The following PIAS1 variants were observed in gnomAD, a reference collection of about 807,000 sequenced individuals.
The protein encoded by PIAS1 is E3 SUMO-protein ligase PIAS1.
PIAS1 carries 6 observed loss-of-function variants against 71.3 expected under a neutral mutation model. The ratio of observed to expected loss-of-function variants is 0.08; its 90% CI spans 0.05 to 0.17. The LOEUF (loss-of-function observed/expected upper bound fraction) is 0.17, where lower values mean the gene tolerates loss of function less well. PIAS1 is among the 10% of genes least tolerant of loss of function. The pLI, the probability that PIAS1 is intolerant of heterozygous loss-of-function variation, is 1.00. For missense variants in PIAS1, 555 were observed against 793.6 expected (o/e 0.70, Z 3.61); for synonymous variants, 303 against 292.9 (o/e 1.03, Z -0.35).
chr15:68,132,662 A>G (rs773421385), intron 2 of PIAS1, among the ~76,000 whole-genome samples: 1 of 152,178 alleles, frequency 6.6e-6, no homozygotes, highest in Non-Finnish European at 1.5e-5. Context: ...GGGAAGGTTT[A>G]TCTGCAAATC....
At chr15:68,145,152 G>T (rs982955669) in intron 4 of PIAS1, among the ~76,000 whole-genome samples, 1 of 152,120 alleles carries the variant, frequency 6.6e-6, no homozygotes, top group African/African-American at 2.4e-5. Context: ...TTTTCCAAAA[G>T]ACTGCATTTA....
At position 68,086,775 on chromosome 15, in the gene PIAS1, T is replaced by C; in HGVS notation, c.469+25T>C. ...GGTAAGATTATTGTATGATAGTATT[T>C]GGTTACTTTTGCAGGATGAATTTTC... On this transcript the variant is annotated intron_variant, in intron 2 of 13. Transcript: ENST00000249636. The surrounding 1 kb of genome is among the most constrained non-coding windows in gnomAD (Gnocchi z 7.2). 1.4e-6 allele frequency: 2 copies of C among 1,467,206 alleles called. No individual in the cohort carries two copies. Among genetic ancestry groups the C allele is most frequent in the Non-Finnish European group, 1.9e-6 (2 of 1,057,768 alleles). The allele number at this position is 1,467,206 out of a possible 1,614,324, so 90.9% of individuals were successfully genotyped here. A position where few individuals can be genotyped will look rare whatever the true frequency, so the allele number is the denominator to read the frequency against.
intron 2 of PIAS1, among the ~76,000 whole-genome samples, chr15:68,095,782 C>A (rs893026030): frequency 6.6e-6 from 1 of 151,426 alleles, no homozygotes; most frequent in African/African-American, 2.5e-5. Flanking sequence ...CTGCCCACCT[C>A]GGCCTCCCAA....
chr15:68,077,973 T>C (rs975609152), intron 1 of PIAS1, among the ~76,000 whole-genome samples: 2 of 152,240 alleles, frequency 1.3e-5, no homozygotes, highest in Non-Finnish European at 2.9e-5. Context: ...TTTCTTCTTT[T>C]AGGCTTTTCA....
intron 2 of PIAS1, among the ~76,000 whole-genome samples, chr15:68,099,412 T>C (rs1300593648): frequency 6.6e-6 from 1 of 151,976 alleles, no homozygotes; most frequent in Non-Finnish European, 1.5e-5. Context: ...TTTTGAGTTT[T>C]TTTTATGATT....
intron 7 of PIAS1, among the ~76,000 whole-genome samples, chr15:68,157,936 A>C (rs572122921): frequency 1.3e-5 from 2 of 152,314 alleles, no homozygotes; most frequent in East Asian, 3.9e-4. Context: ...CCTTCTGTCT[A>C]TCATGCTATC....
At chr15:68,092,318 G>A (rs1387479475) in intron 2 of PIAS1, among the ~76,000 whole-genome samples, 8 of 152,010 alleles carry the variant, frequency 5.3e-5, no homozygotes, top group Non-Finnish European at 8.8e-5. Flanking sequence ...ACGACAGGCA[G>A]GAGCAACCAT....
At chr15:68,118,738 G>T (rs2092587125) in intron 2 of PIAS1, among the ~76,000 whole-genome samples, 1 of 152,008 alleles carries the variant, frequency 6.6e-6, no homozygotes, top group African/African-American at 2.4e-5. Flanking sequence ...TAGTGATGTT[G>T]AACATTTTTT....
At chr15:68,125,680 AAGTT>A (rs1332407521) in intron 2 of PIAS1, among the ~76,000 whole-genome samples, 1 of 152,080 alleles carries the variant, frequency 6.6e-6, no homozygotes, top group Non-Finnish European at 1.5e-5. Flanking sequence ...GAAAAGTTCA[AAGTT>A]AGGCTGGTTT....
chr15:68,084,431 G>C (rs1190362370), intron 1 of PIAS1, among the ~76,000 whole-genome samples: 1 of 152,050 alleles, frequency 6.6e-6, no homozygotes, highest in East Asian at 1.9e-4. Context: ...TACTCTTTTG[G>C]TGAGTAGGGA....
At chr15:68,183,522 C>T (rs575229445) in intron 12 of PIAS1, 108 bp from the exon 13 acceptor site, 1 of 591,678 alleles carries the variant, frequency 1.7e-6, no homozygotes, top group African/African-American at 1.9e-5. Context: ...AAATAAAATT[C>T]TGAGTGACAT....
chr15:68,096,002 A>T lies in PIAS1; in HGVS notation c.469+9252A>T, dbSNP rs146552048. Among the ~76,000 whole-genome samples, 501 of 152,346 alleles carry T rather than the reference A, an allele frequency of 3.3e-3. 2 individuals are homozygous for T. The highest frequency in any genetic ancestry group is 0.011 in the African/African-American group (475 of 41,586). On this transcript the variant is annotated intron_variant, in intron 2 of 13. Transcript: ENST00000249636. ...GATATTACAGTACAAAAGAAACCGA[A>T]TGTTGGATGTAGTATTATAATTAAA...
At chr15:68,065,152 C>T (rs1378423093) in intron 1 of PIAS1, among the ~76,000 whole-genome samples, 1 of 151,946 alleles carries the variant, frequency 6.6e-6, no homozygotes, top group African/African-American at 2.4e-5. Context: ...GGGGGATGGT[C>T]CTCCACTTTC....
intron 2 of PIAS1, among the ~76,000 whole-genome samples, chr15:68,140,942 C>A (rs1308643039): frequency 1.3e-5 from 2 of 152,052 alleles, no homozygotes; most frequent in Non-Finnish European, 2.9e-5. Context: ...ACTCATTCAA[C>A]AAATAAATAG....
At chr15:68,056,002 T>A (rs2091892208) in intron 1 of PIAS1, 3 of 678,396 alleles carry the variant, frequency 4.4e-6, no homozygotes, top group Admixed American at 2.1e-5. Flanking sequence ...ATGGTTTTGA[T>A]TTTTCCCCAG....
chr15:68,059,482 T>A (rs1597109954), intron 1 of PIAS1, among the ~76,000 whole-genome samples: 2 of 151,456 alleles, frequency 1.3e-5, no homozygotes, highest in Non-Finnish European at 2.9e-5. Context: ...GAGGCTGAGG[T>A]GGGCGGATCA....
At position 68,171,932 on chromosome 15, in the gene PIAS1, A is replaced by G. The variant is rs959465070; in HGVS notation, c.1009-1800A>G. On this transcript the variant is annotated intron_variant, in intron 8 of 13. Transcript: ENST00000249636. This position sits in a 1 kb window ranked among gnomAD's most constrained non-coding sequence, Gnocchi z 4.4. The stretch of plus-strand genomic sequence containing the variant: ...TATTTTTTTCTTTTATATGTTTTAT[A>G]TATATATAAAATACTTTAAGTTCTA... 4.0e-5 allele frequency among the ~76,000 whole-genome samples: 6 copies of G among 151,338 alleles called. No individual in the cohort carries two copies. Among genetic ancestry groups the G allele is most frequent in the Admixed American group, 1.3e-4 (2 of 15,192 alleles).
intron 1 of PIAS1, among the ~76,000 whole-genome samples, chr15:68,059,068 G>A (rs534171321): frequency 1.4e-5 from 2 of 144,072 alleles, no homozygotes; most frequent in South Asian, 4.4e-4. Flanking sequence ...GCAGTGGCGC[G>A]ATCTCGGCGC....
intron 2 of PIAS1, among the ~76,000 whole-genome samples, chr15:68,097,776 A>G (rs1214898394): frequency 6.6e-6 from 1 of 152,084 alleles, no homozygotes; most frequent in African/African-American, 2.4e-5. Context: ...ATCTGATGAG[A>G]TGATTGTATA....
Sources: gnomAD v4.1 joint callset for allele counts (sites outside exome capture counted in the v4.1 genomes callset) on GRCh38, gnomAD v4.1.1 for gene constraint, Gnocchi (gnomAD v3.1) non-coding constraint, MANE v1.5 for transcripts, NCBI Gene and HGNC (gene_info 2026-07-23, HGNC 2026-07-21) for gene names.